The following AGBL2 variants were observed in gnomAD, a reference collection of about 807,000 sequenced individuals.
The protein encoded by AGBL2 is AGBL carboxypeptidase 2.
AGBL2 carries 87 observed loss-of-function variants against 103.0 expected under a neutral mutation model. The ratio of observed to expected loss-of-function variants is 0.84; its 90% CI spans 0.71 to 1.01. AGBL2 has a LOEUF of 1.01. Among genes scored for constraint, AGBL2 ranks in the 50% least tolerant of loss-of-function variants. The pLI, the probability that AGBL2 is intolerant of heterozygous loss-of-function variation, is 0.00. For synonymous variants in AGBL2, 335 were observed against 356.7 expected (o/e 0.94, Z 0.69); for missense variants, 904 against 1,023.5 (o/e 0.88, Z 1.59).
intron 13 of AGBL2, among the ~76,000 whole-genome samples, chr11:47,678,422 C>T (rs2097386622): frequency 6.7e-6 from 1 of 150,232 alleles, no homozygotes; most frequent in Admixed American, 6.7e-5. Flanking sequence ...CAACCTCTGC[C>T]TCCCAGGTTC....
chr11:47,687,354 T>A (rs1268449030), intron 10 of AGBL2, among the ~76,000 whole-genome samples: 1 of 151,896 alleles, frequency 6.6e-6, no homozygotes, highest in African/African-American at 2.4e-5. Flanking sequence ...TATTATATGT[T>A]TTGTCCTACA....
At chr11:47,676,745 G>A (rs1443198675) in intron 14 of AGBL2, among the ~76,000 whole-genome samples, 1 of 150,578 alleles carries the variant, frequency 6.6e-6, no homozygotes, top group Non-Finnish European at 1.5e-5. Flanking sequence ...CCTGAACCCG[G>A]AAGGCGGAGC....
chr11:47,698,951 C>T (rs1167217191), intron 8 of AGBL2, among the ~76,000 whole-genome samples: 3 of 135,348 alleles, frequency 2.2e-5, no homozygotes, highest in African/African-American at 8.5e-5. Context: ...ATGTGTATGA[C>T]TTCAGTAGGA....
Position 47,667,584 on chromosome 11 carries a change from G to C in AGBL2, c.2327C>G (p.Thr776Arg). The C allele has an allele frequency of 6.2e-7, 1 of 1,613,946 alleles. No individual in the cohort carries two copies. Among genetic ancestry groups the C allele is most frequent in the Non-Finnish European group, 8.5e-7 (1 of 1,179,974 alleles). Reference protein sequence around the residue: ...KKNLMQKLKLTEDTSEKAGFA... With the variant: ...KKNLMQKLKLREDTSEKAGFA... The stretch of plus-strand genomic sequence containing the variant: ...AGTCTTTCTTACTGAGGTATCTTCT[G>C]TTAACTTTAACTTCTGCATCAAATT... Residue 776 changes from threonine (T) to arginine (R), a missense_variant, in exon 16 of 19, where the codon ACA (threonine) becomes AGA (arginine). By Grantham distance (71) the Thr-to-Arg change is moderately conservative. Transcript: ENST00000525123.
rs769083984 is a variant in AGBL2 at position 47,667,541 on chromosome 11, C to T, written c.2340+30G>A. 8 of 1,610,754 alleles carry T rather than the reference C, an allele frequency of 5.0e-6. No homozygotes were observed. In the East Asian group the frequency reaches 1.6e-4, roughly 31 times the overall value. ...CTCTATGGAATGGTCTGAAACTAGA[C>T]AGTAGAAATAGCCAGCAAGTCTTTC... On this transcript the variant is annotated intron_variant, in intron 16 of 18. Coordinates refer to ENST00000525123, the MANE Select transcript of AGBL2 (RefSeq NM_024783.4).
At chr11:47,689,098 C>T (rs1464178833) in intron 10 of AGBL2, among the ~76,000 whole-genome samples, 2 of 151,946 alleles carry the variant, frequency 1.3e-5, no homozygotes, top group Non-Finnish European at 2.9e-5. Flanking sequence ...AAGGTGGGTG[C>T]TATTACATTA....
At chr11:47,708,898 G>A (rs2097529199) in intron 4 of AGBL2, among the ~76,000 whole-genome samples, 2 of 152,022 alleles carry the variant, frequency 1.3e-5, no homozygotes, top group Non-Finnish European at 2.9e-5. Context: ...GAGGTGGGCC[G>A]ATCACCTGAG....
At chr11:47,705,146 CTTTTT>C (rs1599083358) in intron 6 of AGBL2, 1 of 152,884 alleles carries the variant, frequency 6.5e-6, no homozygotes, top group African/African-American at 2.4e-5. Context: ...TTTTTTTCTT[CTTTTT>C]TATCAACTAT....
Position 47,668,920 on chromosome 11 carries a change from G to GA in AGBL2, c.2148-14dup. 6.2e-7 allele frequency: 1 copy of GA among 1,600,122 alleles called. No homozygotes were observed. On this transcript the variant is annotated splice_polypyrimidine_tract_variant and intron_variant, in intron 14 of 18. Coordinates refer to ENST00000525123, the MANE Select transcript of AGBL2 (RefSeq NM_024783.4). ...AGAGCCACTGGTGCTGTTTCCAAAA[G>GA]AAAAAAAGAAGAGGAAATAACTGTC... is the stretch of plus-strand genomic sequence containing the variant.
At chr11:47,683,350 C>T (rs1342289239) in intron 11 of AGBL2, among the ~76,000 whole-genome samples, 1 of 151,154 alleles carries the variant, frequency 6.6e-6, no homozygotes, top group Non-Finnish European at 1.5e-5. Flanking sequence ...CCGGCTTGGG[C>T]GACAGAGCGA....
chr11:47,684,265 G>A (rs1227618484), intron 11 of AGBL2, among the ~76,000 whole-genome samples: 1 of 150,344 alleles, frequency 6.7e-6, no homozygotes, highest in African/African-American at 2.4e-5. Context: ...GCAAGACTAC[G>A]TCTTGAAAAA....
Position 47,660,231 on chromosome 11 carries a change from T to C in AGBL2, c.2651A>G (p.Lys884Arg). Residue 884 changes from lysine to arginine, a missense_variant, in exon 19 of 19, where the codon AAG becomes AGG. By Grantham distance (26) the Lys-to-Arg change is conservative (BLOSUM62 2). Transcript: ENST00000525123. ...NWPRSRYPAT[K>R]RGCAAMAAYP... ...TGCCGCCATGGCAGCACAGCCTCTC[T>C]TTGTGGCAGGATATCTGCTCCTAGG... 6.2e-7 allele frequency: 1 copy of C among 1,614,228 alleles called. No individual in the cohort carries two copies. Among genetic ancestry groups the C allele is most frequent in the Non-Finnish European group, 8.5e-7 (1 of 1,180,048 alleles).
Position 47,682,097 on chromosome 11 carries a change from T to G in AGBL2, c.1789-2A>C, listed in dbSNP as rs1345653253. Reference sequence around the variant, plus strand: ...AAAATTACAACTGTGAAAAGAGAACTAAAAAGAAATCCAAATTTTCTGTTA... The same window carrying G: ...AAAATTACAACTGTGAAAAGAGAACGAAAAAGAAATCCAAATTTTCTGTTA... On this transcript the variant is annotated splice_acceptor_variant, in intron 11 of 18. Transcript: ENST00000525123. LOFTEE classifies it high-confidence loss of function. 1 of 1,612,040 alleles carries G rather than the reference T, an allele frequency of 6.2e-7. No homozygotes were observed. The highest frequency in any genetic ancestry group is 1.3e-5 in the African/African-American group (1 of 74,814).
chr11:47,684,555 C>CAA (rs1251965970), intron 11 of AGBL2, among the ~76,000 whole-genome samples: 2 of 100,262 alleles, frequency 2.0e-5, no homozygotes, highest in Non-Finnish European at 4.2e-5. Context: ...GACTCTGTCT[C>CAA]AAAAAAAAAA....
chr11:47,705,716 G>A (rs1446942761), intron 5 of AGBL2, 82 bp from the exon 6 acceptor site: 1 of 668,612 alleles, frequency 1.5e-6, no homozygotes. Flanking sequence ...ATGAAAGGGG[G>A]AACTAAAGGC....
At chr11:47,667,450 C>A in intron 16 of AGBL2, 121 bp downstream of exon 16, 2 of 1,253,258 alleles carry the variant, frequency 1.6e-6, no homozygotes, top group Non-Finnish European at 2.2e-6. Flanking sequence ...AACAGAAAGT[C>A]TCCCTCTGCC....
chr11:47,689,719 A>T (rs1375162731), intron 10 of AGBL2, among the ~76,000 whole-genome samples: 1 of 152,136 alleles, frequency 6.6e-6, no homozygotes. Context: ...ACAGCTTGCC[A>T]CTTCATGCAT....
intron 11 of AGBL2, 63 bp downstream of exon 11, chr11:47,685,830 A>T: frequency 6.7e-7 from 1 of 1,495,572 alleles, no homozygotes; most frequent in South Asian, 1.2e-5. Context: ...AACACTACAT[A>T]TAGGAAGCAG....
At chr11:47,697,638 C>T (rs573895225) in intron 8 of AGBL2, among the ~76,000 whole-genome samples, 14 of 144,606 alleles carry the variant, frequency 9.7e-5, no homozygotes, top group Non-Finnish European at 2.0e-4. Flanking sequence ...CTGTGCCTCC[C>T]GGGTTCACGC....
Sources: gnomAD v4.1 joint callset for allele counts (sites outside exome capture counted in the v4.1 genomes callset) on GRCh38, gnomAD v4.1.1 for gene constraint, MANE v1.5 for transcripts, NCBI Gene and HGNC (gene_info 2026-07-23, HGNC 2026-07-21) for gene names.